The following RBM26 variants were observed in gnomAD, a reference collection of about 807,000 sequenced individuals.
The protein encoded by RBM26 is RNA-binding protein 26.
A neutral mutation model predicts 123.6 loss-of-function variants in RBM26; 30 were observed. The observed-to-expected ratio is 0.24, with a 90% CI of 0.18 to 0.33. RBM26 has a LOEUF of 0.33. Among genes scored for constraint, RBM26 ranks in the 10% least tolerant of loss-of-function variants. The pLI, the probability that RBM26 is intolerant of heterozygous loss-of-function variation, is 1.00. For missense variants in RBM26, 947 were observed against 1,203.6 expected (o/e 0.79, Z 3.15); for synonymous variants, 400 against 404.4 (o/e 0.99, Z 0.13).
At chr13:79,327,552 A>C (rs981754269) in intron 20 of RBM26, among the ~76,000 whole-genome samples, 1 of 152,164 alleles carries the variant, frequency 6.6e-6, no homozygotes, top group African/African-American at 2.4e-5. Flanking sequence ...AGATAAATTG[A>C]ATGAAAACCC....
At chr13:79,314,624 C>G (rs1196631032), downstream of RBM26, 1 of 154,200 alleles carries the variant, frequency 6.5e-6, no homozygotes, top group African/African-American at 2.4e-5. Flanking sequence ...CTAATGAACA[C>G]AGTAGTATGG....
At chr13:79,340,587 C>T (rs2071210729) in intron 18 of RBM26, among the ~76,000 whole-genome samples, 1 of 151,914 alleles carries the variant, frequency 6.6e-6, no homozygotes, top group Non-Finnish European at 1.5e-5. Context: ...TATCATATAA[C>T]AGGAATCAAT....
At chr13:79,392,811 G>A (rs1168637712) in intron 1 of RBM26, among the ~76,000 whole-genome samples, 2 of 132,318 alleles carry the variant, frequency 1.5e-5, no homozygotes, top group African/African-American at 2.9e-5. Context: ...AAAAAAATCT[G>A]TAAATGAACT....
chr13:79,369,097 A>C (rs529023031), intron 5 of RBM26, 107 bp from the exon 6 acceptor site: 2 of 605,876 alleles, frequency 3.3e-6, no homozygotes, highest in South Asian at 8.8e-5. Context: ...AAAAATTTTA[A>C]ATTTTGCATA....
In RBM26 at chr13:79,319,926, T is replaced by TA. The variant is rs1410642696; in HGVS notation, c.*694dup. ...TTCTTTTTTCTTTTCTTTTTTTTTT[T>TA]AAATCAAGGAACATTGTCTTGGCTT... On this transcript the variant is annotated 3_prime_UTR_variant, in exon 22 of 22. Transcript: ENST00000438737. 2 of 857,852 alleles carry TA rather than the reference T, an allele frequency of 2.3e-6. No individual in the cohort carries two copies. Among genetic ancestry groups the TA allele is most frequent in the Non-Finnish European group, 2.8e-6 (2 of 722,146 alleles). The allele number at this position is 857,852 out of a possible 1,614,324, so 53.1% of individuals were successfully genotyped here. A position where few individuals can be genotyped will look rare whatever the true frequency, so the allele number is the denominator to read the frequency against.
intron 1 of RBM26, among the ~76,000 whole-genome samples, chr13:79,405,421 C>T (rs1394842997): frequency 6.6e-6 from 1 of 151,876 alleles, no homozygotes; most frequent in Non-Finnish European, 1.5e-5. Flanking sequence ...TAAAATAAAC[C>T]GATTTTGAGG....
Position 79,366,652 on chromosome 13 carries a change from G to A in RBM26, c.1116C>T (p.Pro372=), listed in dbSNP as rs2075297898. ...PPVPPPGPLP[P]SLPPVTGPPP... ...ACTTACCTGTAACAGGTGGGAGACTGGGTGGCAATGGACCTGGCGGTGGTA... is the reference window on the plus strand; with the variant it reads ...ACTTACCTGTAACAGGTGGGAGACTAGGTGGCAATGGACCTGGCGGTGGTA... The change falls in exon 7 of 22, where the codon CCC becomes CCT. Residue 372 remains proline (P), a synonymous_variant. Coordinates refer to ENST00000438737, the MANE Select transcript of RBM26 (RefSeq NM_001366735.2). 1.3e-6 allele frequency: 2 copies of A among 1,569,986 alleles called. No individual in the cohort carries two copies. The highest frequency in any genetic ancestry group is 1.7e-6 in the Non-Finnish European group (2 of 1,155,664).
At chr13:79,371,451 A>G (rs1333562449) in intron 4 of RBM26, among the ~76,000 whole-genome samples, 1 of 152,176 alleles carries the variant, frequency 6.6e-6, no homozygotes, top group Non-Finnish European at 1.5e-5. Context: ...AGAACATACT[A>G]TCCCGTACAT....
chr13:79,324,948 A>G (rs979064120), intron 20 of RBM26, among the ~76,000 whole-genome samples: 1 of 152,034 alleles, frequency 6.6e-6, no homozygotes, highest in African/African-American at 2.4e-5. Flanking sequence ...AAATCCTCAT[A>G]AAGTCAGCCA....
chr13:79,375,695 T>C (rs1490681962), intron 3 of RBM26, among the ~76,000 whole-genome samples: 2 of 152,156 alleles, frequency 1.3e-5, no homozygotes, highest in African/African-American at 4.8e-5. Context: ...GATTGGGATG[T>C]TACATGTGGG....
chr13:79,322,491 A>G (rs774797834), intron 20 of RBM26, 29 bp from the exon 21 acceptor site: 1 of 1,438,990 alleles, frequency 6.9e-7, no homozygotes, highest in East Asian at 2.6e-5. Context: ...TTGGAATATA[A>G]GACATTAAAA....
chr13:79,405,736 G>C lies in RBM26; in HGVS notation c.39C>G (p.Leu13=). 6.3e-7 allele frequency: 1 copy of C among 1,599,946 alleles called. No individual in the cohort carries two copies. The highest frequency in any genetic ancestry group is 8.5e-7 in the Non-Finnish European group (1 of 1,172,730). Reference sequence around the variant, plus strand: ...CGAGAGTCTTGCTGAGCCAGGACTTGAGTGCCTCGAAGTTTTCAATGATCA... The same window carrying C: ...CGAGAGTCTTGCTGAGCCAGGACTTCAGTGCCTCGAAGTTTTCAATGATCA... The part of the protein sequence containing the change: ...SKMIIENFEA[L]KSWLSKTLEP... The change falls in exon 1 of 22, where the codon CTC becomes CTG. Residue 13 remains leucine, a synonymous_variant. Coordinates refer to ENST00000438737, the MANE Select transcript of RBM26 (RefSeq NM_001366735.2).
intron 3 of RBM26, chr13:79,376,761 T>C (rs986116620): frequency 6.6e-6 from 1 of 152,224 alleles, no homozygotes; most frequent in African/African-American, 2.4e-5. Flanking sequence ...TAAGACTCTA[T>C]GTCTGTAAGA....
At chr13:79,371,357 C>G (rs918347273) in intron 4 of RBM26, among the ~76,000 whole-genome samples, 195 bp from the exon 5 acceptor site, 1 of 152,140 alleles carries the variant, frequency 6.6e-6, no homozygotes, top group African/African-American at 2.4e-5. Context: ...AAAGCCTTAA[C>G]CCTTAGTCTT....
chr13:79,358,565 A>G, intron 10 of RBM26, 132 bp from the exon 11 acceptor site: 1 of 721,852 alleles, frequency 1.4e-6, no homozygotes. Context: ...ACTGGTTGAT[A>G]AAGGAAATTT....
intron 20 of RBM26, among the ~76,000 whole-genome samples, chr13:79,333,315 T>C (rs2069732259): frequency 6.6e-6 from 1 of 152,092 alleles, no homozygotes; most frequent in South Asian, 2.1e-4. Context: ...TAAAATAATA[T>C]ACTACCCCCT....
chr13:79,403,781 A>T (rs1451682801), intron 1 of RBM26, among the ~76,000 whole-genome samples: 1 of 152,172 alleles, frequency 6.6e-6, no homozygotes, highest in Non-Finnish European at 1.5e-5. Context: ...CAATACACCG[A>T]AATAGGACTT....
At chr13:79,392,329 TTATA>T (rs1416151301) in intron 1 of RBM26, among the ~76,000 whole-genome samples, 1 of 142,384 alleles carries the variant, frequency 7.0e-6, no homozygotes, top group Non-Finnish European at 1.5e-5. Context: ...TAATTAGTAA[TTATA>T]TATAATTACA....
chr13:79,375,620 A>G (rs1005199145), intron 3 of RBM26, among the ~76,000 whole-genome samples: 2 of 151,988 alleles, frequency 1.3e-5, no homozygotes, highest in Admixed American at 6.6e-5. Flanking sequence ...GAACCCTTAT[A>G]CTGTTAGGTA....
Sources: gnomAD v4.1 joint callset for allele counts (sites outside exome capture counted in the v4.1 genomes callset) on GRCh38, gnomAD v4.1.1 for gene constraint, MANE v1.5 for transcripts, NCBI Gene and HGNC (gene_info 2026-07-23, HGNC 2026-07-21) for gene names.